The following AFF2 variants were observed in gnomAD, a reference collection of about 807,000 sequenced individuals.
AFF2 encodes the protein ALF transcription elongation factor 2.
A neutral mutation model predicts 76.9 loss-of-function variants in AFF2; 14 were observed. The observed-to-expected ratio is 0.18, with a 90% confidence interval of 0.12 to 0.28. The LOEUF is 0.28. Ranked by LOEUF, AFF2 falls within the 10% of genes least tolerant of loss-of-function variation. The pLI is 1.00. For synonymous variants in AFF2, 398 were observed against 366.7 expected, an observed-to-expected ratio of 1.09 and a Z score of -0.98; for missense variants, 868 against 1,001.1, an observed-to-expected ratio of 0.87 and a Z score of 1.79.
At chrX:148,710,097 G>C (rs1171959770) in intron 3 of AFF2, among the ~76,000 whole-genome samples, 1 of 111,838 alleles carries the variant, frequency 8.9e-6, no homozygotes, top group Non-Finnish European at 1.9e-5. Flanking sequence ...TGGAGACCCT[G>C]TTAAATAAAG....
At chrX:148,911,892 A>G (rs1416557085) in intron 9 of AFF2, among the ~76,000 whole-genome samples, 1 of 112,073 alleles carries the variant, frequency 8.9e-6, no homozygotes, top group Non-Finnish European at 1.9e-5. Flanking sequence ...TTGGATATGT[A>G]CCCAAAGGAA....
intron 3 of AFF2, among the ~76,000 whole-genome samples, chrX:148,777,761 T>C (rs1462807127): frequency 8.9e-6 from 1 of 112,200 alleles, no homozygotes; most frequent in East Asian, 2.8e-4. Context: ...GCTGAGATGA[T>C]AGGGTTTTCT....
At chrX:148,787,805 C>T (rs899395296) in intron 3 of AFF2, among the ~76,000 whole-genome samples, 8 of 111,661 alleles carry the variant, frequency 7.2e-5, no homozygotes, top group Non-Finnish European at 1.3e-4. Context: ...GATATAGATA[C>T]GTATATTTGT....
At chrX:148,781,655 T>C (rs935464473) in intron 3 of AFF2, among the ~76,000 whole-genome samples, 1 of 112,012 alleles carries the variant, frequency 8.9e-6, no homozygotes, top group Non-Finnish European at 1.9e-5. Flanking sequence ...TGGGATCCAC[T>C]GAGCAAGACC....
In AFF2 at chrX:148,847,800, G is replaced by T. The variant is rs183554955; in HGVS notation, c.1262+4367G>T. The stretch of plus-strand genomic sequence containing the variant: ...TTGTGCTGTTGAGAACAGGTGCCAG[G>T]TGCTTTTATGTACATTGCCTTATTA... On this transcript the variant is annotated intron_variant, in intron 7 of 20. Transcript: ENST00000370460. Among the ~76,000 whole-genome samples the T allele has an allele frequency of 4.5e-5, 5 of 111,864 alleles. No individual in the cohort carries two copies. The East Asian group carries it at 1.4e-3, about 32-fold the overall frequency.
At chrX:148,607,204 C>T (rs1382333557) in intron 1 of AFF2, among the ~76,000 whole-genome samples, 1 of 111,281 alleles carries the variant, frequency 9.0e-6, no homozygotes, top group Non-Finnish European at 1.9e-5. Context: ...ACTCAGGTTC[C>T]TTGAATTATC....
At chrX:148,522,970 G>A (rs1449271846) in intron 1 of AFF2, among the ~76,000 whole-genome samples, 4 of 111,992 alleles carry the variant, frequency 3.6e-5, no homozygotes, top group South Asian at 3.7e-4. Context: ...AATTTCCTGA[G>A]GTCAAATTTT....
At chrX:148,724,980 G>A (rs1356403561) in intron 3 of AFF2, among the ~76,000 whole-genome samples, 1 of 110,668 alleles carries the variant, frequency 9.0e-6, no homozygotes, top group African/African-American at 3.3e-5. Context: ...GATAATACTA[G>A]GCACACGGGT....
At chrX:148,911,884 G>A (rs2071473120) in intron 9 of AFF2, among the ~76,000 whole-genome samples, 1 of 111,753 alleles carries the variant, frequency 8.9e-6, no homozygotes, top group African/African-American at 3.3e-5. Context: ...TCCCATTTTT[G>A]GATATGTACC....
At chrX:148,746,274 C>T (rs2055420098) in intron 3 of AFF2, among the ~76,000 whole-genome samples, 1 of 111,725 alleles carries the variant, frequency 9.0e-6, no homozygotes, top group African/African-American at 3.3e-5. Flanking sequence ...CCATTTTGCT[C>T]CTTTGGATAT....
At chrX:148,715,009 G>C (rs782679836) in intron 3 of AFF2, among the ~76,000 whole-genome samples, 106 of 111,054 alleles carry the variant, frequency 9.5e-4, no homozygotes, top group African/African-American at 3.3e-3. Context: ...GGGAAGAGGA[G>C]AGTGAAAGTT....
chrX:148,784,112 A>G (rs1307828238), intron 3 of AFF2, among the ~76,000 whole-genome samples: 1 of 111,977 alleles, frequency 8.9e-6, no homozygotes, highest in African/African-American at 3.2e-5. Context: ...CAACATGGCT[A>G]GGGGGTGACA....
At chrX:148,715,999 TTC>T (rs200459419) in intron 3 of AFF2, among the ~76,000 whole-genome samples, 2 of 110,217 alleles carry the variant, frequency 1.8e-5, no homozygotes, top group African/African-American at 3.3e-5. Flanking sequence ...AAAGCATCAT[TTC>T]TCTCTCTCTC....
chrX:148,509,210 G>GGA (rs2052456310), intron 1 of AFF2, among the ~76,000 whole-genome samples: 1 of 111,806 alleles, frequency 8.9e-6, no homozygotes, highest in South Asian at 3.8e-4. Context: ...AGGAATTCTG[G>GGA]GAGAGAGAGA....
chrX:148,996,637 A>C lies in AFF2; in HGVS notation c.*5305A>C, dbSNP rs782029278. ...TTACATAGTTTTAAGATATGAATCA[A>C]TGTGTGAATGTAGAAAGCTTATGAT... On this transcript the variant is annotated 3_prime_UTR_variant, in exon 21 of 21. Transcript: ENST00000370460. The C allele has an allele frequency of 8.9e-6, 1 of 112,250 alleles. No homozygotes were observed. The allele number at this position is 112,250 out of a possible 1,213,427, so 9.3% of individuals were successfully genotyped here. A position where few individuals can be genotyped will look rare whatever the true frequency, so the allele number is the denominator to read the frequency against.
chrX:148,742,156 C>T (rs1463397266), intron 3 of AFF2, among the ~76,000 whole-genome samples: 1 of 112,012 alleles, frequency 8.9e-6, no homozygotes, highest in African/African-American at 3.2e-5. Flanking sequence ...TCCTGCCTCC[C>T]ACCCACCATG....
intron 3 of AFF2, among the ~76,000 whole-genome samples, chrX:148,753,733 G>A (rs191315802): frequency 3.0e-4 from 33 of 111,513 alleles, no homozygotes; most frequent in African/African-American, 1.0e-3. Context: ...GGGATATGTT[G>A]TTGATGCTAA....
chrX:148,613,460 C>T (rs1410067815), intron 1 of AFF2, among the ~76,000 whole-genome samples: 1 of 111,806 alleles, frequency 8.9e-6, no homozygotes, highest in Non-Finnish European at 1.9e-5. Flanking sequence ...AAAGACCCTT[C>T]ACTCTAAGCC....
At chrX:148,884,199 T>A (rs1234639680) in intron 7 of AFF2, among the ~76,000 whole-genome samples, 1 of 112,023 alleles carries the variant, frequency 8.9e-6, no homozygotes, top group Admixed American at 9.5e-5. Context: ...CTTCAAAACA[T>A]CCATTAGTCT....
Sources: gnomAD v4.1 joint callset for allele counts (sites outside exome capture counted in the v4.1 genomes callset) on GRCh38, gnomAD v4.1.1 for gene constraint, MANE v1.5 for transcripts, NCBI Gene and HGNC (gene_info 2026-07-23, HGNC 2026-07-21) for gene names.